The following NIPBL variants were observed in gnomAD, a reference collection of about 807,000 sequenced individuals.
NIPBL encodes NIPBL cohesin loading factor.
Under a neutral mutation model 321.8 loss-of-function variants are expected in NIPBL, and 19 were observed. That is an observed-to-expected ratio of 0.06 (90% CI 0.04 to 0.09). The LOEUF is 0.09. NIPBL is among the 10% of genes least tolerant of loss of function. NIPBL has a pLI of 1.00. For synonymous variants in NIPBL, 1,106 were observed against 1,114.1 expected (o/e 0.99, Z 0.14); for missense variants, 2,210 against 3,327.0 (o/e 0.66, Z 8.26).
chr5:36,881,650 G>A (rs1226073648), intron 1 of NIPBL, among the ~76,000 whole-genome samples: 1 of 151,926 alleles, frequency 6.6e-6, no homozygotes, highest in Non-Finnish European at 1.5e-5. Flanking sequence ...AGGATTCTAT[G>A]TATCTAGTTT....
chr5:37,013,052 C>G (rs996983140), intron 21 of NIPBL, among the ~76,000 whole-genome samples: 24 of 150,118 alleles, frequency 1.6e-4, no homozygotes, highest in African/African-American at 5.6e-4. Flanking sequence ...TGACCCCCCC[C>G]CACCTCCCTC....
chr5:36,924,000 A>T (rs564467117), intron 1 of NIPBL, among the ~76,000 whole-genome samples: 1 of 152,202 alleles, frequency 6.6e-6, no homozygotes, highest in South Asian at 2.1e-4. Flanking sequence ...TGACATTGTT[A>T]TAATTTGTTC....
At chr5:36,898,078 C>A (rs1746908175) in intron 1 of NIPBL, among the ~76,000 whole-genome samples, 2 of 152,086 alleles carry the variant, frequency 1.3e-5, no homozygotes, top group South Asian at 4.1e-4. Flanking sequence ...CAGAATCAAA[C>A]CTAAAATGTC....
intron 8 of NIPBL, 23 bp downstream of exon 8, chr5:36,972,064 CT>C (rs745882462): frequency 6.7e-7 from 1 of 1,491,446 alleles, no homozygotes; most frequent in East Asian, 2.3e-5. Flanking sequence ...CTAAAATTTC[CT>C]TCTGTATATT....
chr5:36,941,363 C>A (rs935508104), intron 1 of NIPBL, among the ~76,000 whole-genome samples: 1 of 151,956 alleles, frequency 6.6e-6, no homozygotes, highest in African/African-American at 2.4e-5. Flanking sequence ...CTTTCTTAAA[C>A]AACAATAAAA....
intron 6 of NIPBL, among the ~76,000 whole-genome samples, chr5:36,966,318 C>G (rs1239752612): frequency 2.6e-5 from 4 of 152,032 alleles, no homozygotes; most frequent in Non-Finnish European, 5.9e-5. Flanking sequence ...ATATTCTAAA[C>G]TCCACTCTTT....
At chr5:36,885,258 C>T in intron 1 of NIPBL, 1 of 525,064 alleles carries the variant, frequency 1.9e-6, no homozygotes, top group Non-Finnish European at 3.9e-6. Flanking sequence ...TTCCTGGGCT[C>T]TGTCCAGCCA....
intron 46 of NIPBL, 128 bp from the exon 47 acceptor site, chr5:37,064,399 C>A: frequency 6.5e-7 from 1 of 1,541,502 alleles, no homozygotes; most frequent in Non-Finnish European, 8.7e-7. Flanking sequence ...GTCTCATTGC[C>A]GGCAATGGAA....
chr5:36,926,334 C>T (rs765248624), intron 1 of NIPBL, among the ~76,000 whole-genome samples: 1 of 152,122 alleles, frequency 6.6e-6, no homozygotes, highest in Non-Finnish European at 1.5e-5. Context: ...TGGCTTTGTT[C>T]ATGTGGTGGT....
intron 9 of NIPBL, among the ~76,000 whole-genome samples, chr5:36,980,752 C>T (rs1288825971): frequency 6.6e-6 from 1 of 151,648 alleles, no homozygotes; most frequent in Non-Finnish European, 1.5e-5. Context: ...AGAATGTATC[C>T]TGTTGTTAAG....
intron 38 of NIPBL, among the ~76,000 whole-genome samples, chr5:37,047,708 G>A (rs1753125433): frequency 6.6e-6 from 1 of 152,142 alleles, no homozygotes; most frequent in African/African-American, 2.4e-5. Context: ...TCTTGCCTGG[G>A]CCATAGTTAT....
intron 34 of NIPBL, among the ~76,000 whole-genome samples, chr5:37,043,687 G>C (rs1752688799): frequency 6.6e-6 from 1 of 152,214 alleles, no homozygotes; most frequent in Non-Finnish European, 1.5e-5. Context: ...AATTGAGCAA[G>C]ACTGTGTTTC....
chr5:36,895,697 T>A (rs2149528571), intron 1 of NIPBL, among the ~76,000 whole-genome samples: 1 of 152,346 alleles, frequency 6.6e-6, no homozygotes, highest in Admixed American at 6.5e-5. Flanking sequence ...ATTTGCATTT[T>A]CCTAATGACT....
chr5:37,036,371 A>G lies in NIPBL; in HGVS notation c.5863-8A>G. 4 of 829,560 alleles carry G rather than the reference A, an allele frequency of 4.8e-6. No homozygotes were observed. Among genetic ancestry groups the G allele is most frequent in the Non-Finnish European group, 6.8e-6 (4 of 590,296 alleles). The allele number at this position is 829,560 out of a possible 1,614,324, so 51.4% of individuals were successfully genotyped here. A position where few individuals can be genotyped will look rare whatever the true frequency, so the allele number is the denominator to read the frequency against. On this transcript the variant is annotated splice_polypyrimidine_tract_variant and splice_region_variant and intron_variant, in intron 32 of 46. Transcript: ENST00000282516. ...TGTATATATATATATATATATATGTATATATAGTTGTTGAAGTCCGAAGAG... is the reference window on the plus strand; with the variant it reads ...TGTATATATATATATATATATATGTGTATATAGTTGTTGAAGTCCGAAGAG...
rs368741951 is a variant in NIPBL, at chr5:36,970,693, CTTT to C, written c.611-181_611-179del. 1.5e-4 allele frequency among the ~76,000 whole-genome samples: 23 copies of C among 151,920 alleles called. No homozygotes were observed. The East Asian group carries it at 4.3e-3, about 28-fold the overall frequency. ...CAACTATATTTGTAATGTTTTAGTT[CTTT>C]TCAAAAATAGATTGGAATCTGGCAG... On this transcript the variant is annotated intron_variant, in intron 6 of 46. Transcript: ENST00000282516.
At chr5:37,053,479 T>A (rs1020571118) in intron 42 of NIPBL, among the ~76,000 whole-genome samples, 3 of 152,200 alleles carry the variant, frequency 2.0e-5, no homozygotes, top group Non-Finnish European at 4.4e-5. Flanking sequence ...AGTAAGAGAT[T>A]AACATAATAA....
chr5:36,891,706 C>G (rs1173852547), intron 1 of NIPBL, among the ~76,000 whole-genome samples: 1 of 151,852 alleles, frequency 6.6e-6, no homozygotes, highest in African/African-American at 2.4e-5. Flanking sequence ...AGACGAGAAG[C>G]CAGGAAGTTA....
chr5:36,943,335 G>A (rs947209285), intron 1 of NIPBL, among the ~76,000 whole-genome samples: 1 of 152,140 alleles, frequency 6.6e-6, no homozygotes, highest in Non-Finnish European at 1.5e-5. Flanking sequence ...GAAAAAGTAT[G>A]TGAAAGCACC....
At chr5:36,931,497 C>T (rs958841398) in intron 1 of NIPBL, among the ~76,000 whole-genome samples, 1 of 151,674 alleles carries the variant, frequency 6.6e-6, no homozygotes, top group African/African-American at 2.4e-5. Flanking sequence ...TTTGTATTTT[C>T]TATAGAGACG....
Sources: gnomAD v4.1 joint callset for allele counts (sites outside exome capture counted in the v4.1 genomes callset) on GRCh38, gnomAD v4.1.1 for gene constraint, MANE v1.5 for transcripts, NCBI Gene and HGNC (gene_info 2026-07-23, HGNC 2026-07-21) for gene names.